SHROOM4: variants seen among roughly 807,000 people sequenced by gnomAD.
SHROOM4 encodes the protein protein Shroom4.
SHROOM4 carries 17 observed loss-of-function variants against 80.3 expected under a neutral mutation model. That is an observed-to-expected ratio of 0.21 (90% CI 0.14 to 0.32). The LOEUF (loss-of-function observed/expected upper bound fraction) is 0.32. SHROOM4 is among the 10% of genes least tolerant of loss of function. The pLI, the probability that SHROOM4 is intolerant of heterozygous loss-of-function variation, is 1.00. For missense variants in SHROOM4, 993 were observed against 1,140.3 expected (o/e 0.87, Z 1.86); for synonymous variants, 400 against 437.5 (o/e 0.91, Z 1.07).
At chrX:50,647,505 C>A (rs1557258092) in intron 2 of SHROOM4, among the ~76,000 whole-genome samples, 1 of 111,709 alleles carries the variant, frequency 9.0e-6, no homozygotes, top group African/African-American at 3.3e-5. Context: ...CCTAAACCAA[C>A]ACCCAAAGCG....
chrX:50,607,888 T>A lies in SHROOM4; in HGVS notation c.3254A>T (p.Asp1085Val), dbSNP rs1929760290. 4.1e-6 allele frequency: 5 copies of A among 1,210,159 alleles called. No homozygotes were observed. The East Asian group carries it at 1.5e-4, about 36-fold the overall frequency. Residue 1085 changes from aspartate to valine, a missense_variant, in exon 6 of 9, where the codon GAT (aspartate) becomes GTT (valine). Coordinates refer to ENST00000376020, the MANE Select transcript of SHROOM4 (RefSeq NM_020717.5). ...QHRRELFSKG[D>V]ETQSDLLGAR... Reference sequence around the variant, plus strand: ...TCCGAGAAGATCCGACTGGGTCTCATCACCTTTGCTAAAGAGCTCCCTCCT... The same window carrying A: ...TCCGAGAAGATCCGACTGGGTCTCAACACCTTTGCTAAAGAGCTCCCTCCT...
At chrX:50,615,502 T>C (rs1930198910) in intron 5 of SHROOM4, among the ~76,000 whole-genome samples, 1 of 111,817 alleles carries the variant, frequency 8.9e-6, no homozygotes, top group South Asian at 3.8e-4. Context: ...TGCTTAGTTG[T>C]CTGCCCCTTC....
At chrX:50,724,518 G>A (rs1557265737) in intron 1 of SHROOM4, among the ~76,000 whole-genome samples, 26 of 112,939 alleles carry the variant, frequency 2.3e-4, no homozygotes, top group Non-Finnish European at 3.7e-5. Context: ...CAGCTGGAGT[G>A]CAATGGCACG....
intron 5 of SHROOM4, among the ~76,000 whole-genome samples, chrX:50,613,289 T>G (rs150879688): frequency 0.039 from 4,307 of 111,224 alleles, 74 homozygotes; most frequent in Middle Eastern, 0.065. Flanking sequence ...AATTTTTGTA[T>G]TTTTAGTAGA....
At chrX:50,706,955 A>C (rs1168832654) in intron 1 of SHROOM4, among the ~76,000 whole-genome samples, 4 of 111,533 alleles carry the variant, frequency 3.6e-5, no homozygotes, top group Non-Finnish European at 7.5e-5. Flanking sequence ...AACACACACA[A>C]GCCCTCACAA....
rs1302426890 is a variant in SHROOM4 at position 50,592,553 on chromosome X, G to A, written c.*4142C>T. On this transcript the variant is annotated 3_prime_UTR_variant, in exon 9 of 9. Coordinates refer to ENST00000376020, the MANE Select transcript of SHROOM4 (RefSeq NM_020717.5). ...ACAATGGATATCTTGAGTAGAAGGAGGATAGTTGGAATGTGAACAGAATAT... is the reference window on the plus strand; with the variant it reads ...ACAATGGATATCTTGAGTAGAAGGAAGATAGTTGGAATGTGAACAGAATAT... 1 of 164,563 alleles carries A rather than the reference G, an allele frequency of 6.1e-6. No homozygotes were observed. Among genetic ancestry groups the A allele is most frequent in the Admixed American group, 7.3e-5 (1 of 13,662 alleles). The allele number at this position is 164,563 out of a possible 1,213,427, so 13.6% of individuals were successfully genotyped here.
intron 1 of SHROOM4, among the ~76,000 whole-genome samples, chrX:50,743,143 G>C (rs12848452): frequency 1.9e-5 from 2 of 103,588 alleles, no homozygotes; most frequent in Non-Finnish European, 3.9e-5. Flanking sequence ...GTGCACTTTA[G>C]TACTTCCTTA....
intron 2 of SHROOM4, among the ~76,000 whole-genome samples, chrX:50,640,532 G>T (rs1442143051): frequency 1.8e-5 from 2 of 110,699 alleles, no homozygotes; most frequent in African/African-American, 6.6e-5. Flanking sequence ...GCAGAAGTCT[G>T]CCGGCCTGTC....
At chrX:50,667,941 A>G (rs1557260467) in intron 2 of SHROOM4, among the ~76,000 whole-genome samples, 1 of 111,456 alleles carries the variant, frequency 9.0e-6, no homozygotes, top group African/African-American at 3.3e-5. Context: ...CAAGACATAA[A>G]ACTTTTAGAT....
chrX:50,591,543 T>G lies in SHROOM4; in HGVS notation c.*5152A>C, dbSNP rs1928875830. On this transcript the variant is annotated 3_prime_UTR_variant, in exon 9 of 9. Coordinates refer to ENST00000376020, the MANE Select transcript of SHROOM4 (RefSeq NM_020717.5). ...CCATGAACATGGAGTGTCTTTCCAT[T>G]TATTTTGATCTTCTCTAATCTCTTT... The G allele has an allele frequency of 1.3e-5, 3 of 227,396 alleles. No homozygotes were observed. The Admixed American group carries it at 2.1e-4, about 16-fold the overall frequency. The allele number at this position is 227,396 out of a possible 1,213,427, so 18.7% of individuals were successfully genotyped here. A position where few individuals can be genotyped will look rare whatever the true frequency, so the allele number is the denominator to read the frequency against.
At chrX:50,682,504 T>C (rs782740753) in intron 2 of SHROOM4, among the ~76,000 whole-genome samples, 3 of 111,461 alleles carry the variant, frequency 2.7e-5, no homozygotes, top group South Asian at 3.8e-4. Context: ...AAACAACACA[T>C]GGACACTGCC....
intron 2 of SHROOM4, among the ~76,000 whole-genome samples, chrX:50,676,288 G>A (rs1932852724): frequency 9.1e-6 from 1 of 110,172 alleles, no homozygotes; most frequent in South Asian, 3.8e-4. Context: ...TGGTATTCTA[G>A]AAAAGTAGTT....
At chrX:50,631,911 T>C (rs1317169398) in intron 4 of SHROOM4, among the ~76,000 whole-genome samples, 2 of 111,883 alleles carry the variant, frequency 1.8e-5, no homozygotes, top group Non-Finnish European at 3.8e-5. Context: ...AATACAGCAG[T>C]ATACTTCAAA....
chrX:50,622,286 C>T (rs1315355944), intron 5 of SHROOM4, among the ~76,000 whole-genome samples: 1 of 111,415 alleles, frequency 9.0e-6, no homozygotes, highest in African/African-American at 3.3e-5. Context: ...TAACTGTGGT[C>T]ATGCATATAA....
intron 1 of SHROOM4, among the ~76,000 whole-genome samples, chrX:50,760,640 ATTTT>A (rs1214676469): frequency 2.7e-5 from 3 of 109,939 alleles, no homozygotes; most frequent in Non-Finnish European, 5.7e-5. Context: ...ACCTGACAAC[ATTTT>A]TTTTTGTTTT....
At chrX:50,582,310 G>C (rs1928681071), downstream of SHROOM4, among the ~76,000 whole-genome samples, 1 of 111,779 alleles carries the variant, frequency 8.9e-6, no homozygotes, top group Admixed American at 9.5e-5. Flanking sequence ...CAGTCTTACA[G>C]AGGACCCAGC....
intron 1 of SHROOM4, among the ~76,000 whole-genome samples, chrX:50,757,784 C>T (rs1935069096): frequency 9.3e-6 from 1 of 107,647 alleles, no homozygotes; most frequent in Non-Finnish European, 1.9e-5. Flanking sequence ...GGTCACGCCA[C>T]TGCACTCCAG....
At chrX:50,722,720 T>C (rs1323876951) in intron 1 of SHROOM4, among the ~76,000 whole-genome samples, 1 of 111,144 alleles carries the variant, frequency 9.0e-6, no homozygotes, top group Non-Finnish European at 1.9e-5. Flanking sequence ...TGTGTATGTC[T>C]GTCCCATCTA....
chrX:50,694,543 ATTTTTTTTTTTTTTTT>A (rs782530547), intron 2 of SHROOM4, among the ~76,000 whole-genome samples: 1 of 12,494 alleles, frequency 8.0e-5, no homozygotes, highest in Admixed American at 2.1e-3. Flanking sequence ...TTTAAGTTGG[ATTTTTTTTTTTTTTTT>A]TTTTTTTTTT....
Sources: allele counts gnomAD v4.1 joint callset (sites outside exome capture counted in the v4.1 genomes callset), GRCh38; gene constraint gnomAD v4.1.1; transcripts MANE v1.5; gene names NCBI Gene and HGNC (gene_info 2026-07-23, HGNC 2026-07-21).